The following NME7 variants were observed in gnomAD, a reference collection of about 807,000 sequenced individuals.
NME7 encodes nucleoside diphosphate kinase 7.
A neutral mutation model predicts 49.1 loss-of-function variants in NME7; 41 were observed. The observed-to-expected ratio is 0.83, with a 90% CI of 0.65 to 1.08. The LOEUF (loss-of-function observed/expected upper bound fraction) is 1.08. Ranked by LOEUF, NME7 falls within the 50% of genes least tolerant of loss-of-function variation. The pLI, the probability that NME7 is intolerant of heterozygous loss-of-function variation, is 0.00. For missense variants in NME7, 423 were observed against 463.4 expected, an observed-to-expected ratio of 0.91 and a Z score of 0.80; for synonymous variants, 139 against 150.6, an observed-to-expected ratio of 0.92 and a Z score of 0.56.
At chr1:169,187,266 T>G (rs2101757057) in intron 10 of NME7, among the ~76,000 whole-genome samples, 1 of 152,238 alleles carries the variant, frequency 6.6e-6, no homozygotes, top group East Asian at 1.9e-4. Context: ...TGGGTCTGCT[T>G]GGTCCAGAGT....
chr1:169,253,502 C>T (rs1269133262), intron 7 of NME7, among the ~76,000 whole-genome samples: 2 of 152,076 alleles, frequency 1.3e-5, no homozygotes, highest in African/African-American at 4.8e-5. Flanking sequence ...ATCATGTCGC[C>T]TGCAAACAGG....
chr1:169,300,579 A>G (rs1225795615), intron 5 of NME7, among the ~76,000 whole-genome samples: 2 of 152,182 alleles, frequency 1.3e-5, no homozygotes, highest in Non-Finnish European at 2.9e-5. Context: ...TGTAACATAT[A>G]TTATCTGTTC....
chr1:169,164,109 CAAA>C (rs34543492), intron 11 of NME7, among the ~76,000 whole-genome samples: 36 of 125,256 alleles, frequency 2.9e-4, no homozygotes, highest in Middle Eastern at 4.0e-3. Context: ...GACTCTGTCT[CAAA>C]AAAAAAAAAA....
chr1:169,247,921 C>T (rs1042960031), intron 7 of NME7, among the ~76,000 whole-genome samples: 1 of 152,104 alleles, frequency 6.6e-6, no homozygotes, highest in African/African-American at 2.4e-5. Flanking sequence ...ACGTTTGCAA[C>T]TGTGAATTGT....
intron 10 of NME7, among the ~76,000 whole-genome samples, chr1:169,179,263 A>T (rs1391936195): frequency 6.6e-6 from 1 of 152,220 alleles, no homozygotes; most frequent in Non-Finnish European, 1.5e-5. Context: ...ATGTGATACC[A>T]TCTCACACCA....
rs551279012 is a variant in NME7, at chr1:169,364,770, G to GTAT, written c.3+2937_3+2938insATA. On this transcript the variant is annotated intron_variant, in intron 1 of 11. Transcript: ENST00000367811. ...TATAGTTTAACTTTGAAGCAAGGAT[G>GTAT]GTAATAGTCCCTTCCAAAACTGACC... 4.6e-5 allele frequency among the ~76,000 whole-genome samples: 7 copies of GTAT among 152,254 alleles called. No homozygotes were observed. The South Asian group carries it at 1.5e-3, about 32-fold the overall frequency.
At chr1:169,192,329 T>A (rs1660254795) in intron 10 of NME7, among the ~76,000 whole-genome samples, 1 of 152,020 alleles carries the variant, frequency 6.6e-6, no homozygotes. Flanking sequence ...CAATCTGGGA[T>A]CAAAAAATAT....
Position 169,235,206 on chromosome 1 carries a change from TA to T in NME7, c.820-8del. On this transcript the variant is annotated splice_region_variant and splice_polypyrimidine_tract_variant and intron_variant, in intron 8 of 11. Coordinates refer to ENST00000367811, the MANE Select transcript of NME7 (RefSeq NM_013330.5). ...TAACCCGATCCATATTGAACTATAT[TA>T]AAAAATAAAACAAAACAAAACCATA... is the stretch of plus-strand genomic sequence containing the variant. 1 of 1,479,188 alleles carries T rather than the reference TA, an allele frequency of 6.8e-7. No individual in the cohort carries two copies. The allele number at this position is 1,479,188 out of a possible 1,614,324, so 91.6% of individuals were successfully genotyped here. A position where few individuals can be genotyped will look rare whatever the true frequency, so the allele number is the denominator to read the frequency against.
intron 6 of NME7, among the ~76,000 whole-genome samples, chr1:169,293,129 T>C (rs1490187927): frequency 1.4e-5 from 2 of 147,990 alleles, no homozygotes; most frequent in East Asian, 3.6e-4. Flanking sequence ...ACCCTGTCTT[T>C]AGAAAAAATA....
At chr1:169,306,184 C>T (rs1408628348) in intron 4 of NME7, among the ~76,000 whole-genome samples, 1 of 152,120 alleles carries the variant, frequency 6.6e-6, no homozygotes, top group African/African-American at 2.4e-5. Flanking sequence ...TAGGTGAGTA[C>T]AGATGACTAA....
At chr1:169,208,683 A>G (rs1660738922) in intron 10 of NME7, among the ~76,000 whole-genome samples, 2 of 152,218 alleles carry the variant, frequency 1.3e-5, no homozygotes, top group South Asian at 4.1e-4. Flanking sequence ...TTTCATTTGC[A>G]TTCTGTGTAG....
In NME7 at chr1:169,221,654, A is replaced by G. The variant is rs921872337; in HGVS notation, c.990+9064T>C. On this transcript the variant is annotated intron_variant, in intron 10 of 11. Transcript: ENST00000367811. ...ACCTATATACTGTGTGCCAGGTAGT[A>G]TATGTGCCAGTAGAATATATAAATA... Among the ~76,000 whole-genome samples the G allele has an allele frequency of 4.0e-5, 6 of 151,804 alleles. No individual in the cohort carries two copies. The East Asian group carries it at 9.6e-4, about 24-fold the overall frequency.
chr1:169,338,421 T>A (rs914375223), intron 1 of NME7, among the ~76,000 whole-genome samples: 5 of 152,306 alleles, frequency 3.3e-5, no homozygotes, highest in Middle Eastern at 6.8e-3. Context: ...CCTGCTAAAT[T>A]TTGTTAGTGA....
Position 169,329,196 on chromosome 1 carries a change from G to A in NME7, c.4-4696C>T, listed in dbSNP as rs190236356. ...GCTAACAACAACAAAAAAAAAATCT[G>A]ATCTAATTTTTTTCACTTTACTTTC... On this transcript the variant is annotated intron_variant, in intron 1 of 11. Transcript: ENST00000367811. Among the ~76,000 whole-genome samples the A allele has an allele frequency of 8.6e-5, 13 of 151,036 alleles. No individual in the cohort carries two copies. In the East Asian group the frequency reaches 2.5e-3, roughly 29 times the overall value.
At chr1:169,323,305 T>C (rs528911019) in intron 2 of NME7, 22 bp from the exon 3 acceptor site, 4 of 1,476,356 alleles carry the variant, frequency 2.7e-6, no homozygotes, top group South Asian at 1.6e-5. Context: ...CACAACAATA[T>C]AACAAACAAA....
chr1:169,321,318 C>T (rs1651844133), intron 3 of NME7, among the ~76,000 whole-genome samples: 1 of 152,046 alleles, frequency 6.6e-6, no homozygotes, highest in South Asian at 2.1e-4. Flanking sequence ...TATGATCATG[C>T]CACTTCACTT....
At chr1:169,327,298 C>T (rs1652093932) in intron 1 of NME7, among the ~76,000 whole-genome samples, 1 of 152,230 alleles carries the variant, frequency 6.6e-6, no homozygotes, top group African/African-American at 2.4e-5. Flanking sequence ...TTATGAGGAA[C>T]ATTTAAAGAT....
chr1:169,314,261 A>G (rs1651523258), intron 3 of NME7, among the ~76,000 whole-genome samples: 1 of 152,006 alleles, frequency 6.6e-6, no homozygotes, highest in African/African-American at 2.4e-5. Context: ...TCATGGAAAA[A>G]AAACAAAAAA....
At chr1:169,232,934 T>G (rs1647700522) in intron 9 of NME7, among the ~76,000 whole-genome samples, 1 of 145,466 alleles carries the variant, frequency 6.9e-6, no homozygotes, top group African/African-American at 2.5e-5. Context: ...TTTTTTTTTT[T>G]TTTGAGACAG....
Sources: allele counts gnomAD v4.1 joint callset (sites outside exome capture counted in the v4.1 genomes callset), GRCh38; gene constraint gnomAD v4.1.1; transcripts MANE v1.5; gene names NCBI Gene and HGNC (gene_info 2026-07-23, HGNC 2026-07-21).